FCGR2A: variants seen among roughly 807,000 people sequenced by gnomAD.
FCGR2A encodes low affinity immunoglobulin gamma Fc region receptor II-a.
FCGR2A carries 18 observed loss-of-function variants against 29.3 expected under a neutral mutation model. That is an observed-to-expected ratio of 0.62 (90% CI 0.43 to 0.91). The LOEUF (loss-of-function observed/expected upper bound fraction) is 0.91. FCGR2A is among the 40% of genes least tolerant of loss of function. FCGR2A has a pLI of 0.00. For synonymous variants in FCGR2A, 126 were observed against 144.8 expected (o/e 0.87, Z 0.93); for missense variants, 287 against 393.0 (o/e 0.73, Z 2.28).
chr1:161,520,972 G>T (rs1336357194), downstream of FCGR2A, among the ~76,000 whole-genome samples: 3 of 150,842 alleles, frequency 2.0e-5, no homozygotes, highest in African/African-American at 7.3e-5. Context: ...TTATACTTCT[G>T]CCCAGAGCCT....
In FCGR2A at chr1:161,511,544, C is replaced by T. The variant is rs565891449; in HGVS notation, c.742+588C>T. ...AGATGCCATGGCGTGGCCTTTCTGACACTCCTGGGCGTCCCCATGGGTGAG... is the reference window on the plus strand; with the variant it reads ...AGATGCCATGGCGTGGCCTTTCTGATACTCCTGGGCGTCCCCATGGGTGAG... On this transcript the variant is annotated intron_variant, in intron 5 of 6. Coordinates refer to ENST00000271450, the MANE Select transcript of FCGR2A (RefSeq NM_001136219.3). 2.3e-3 allele frequency among the ~76,000 whole-genome samples: 356 copies of T among 152,326 alleles called. 4 individuals carry two copies. The highest frequency in any genetic ancestry group is 2.7e-3 in the Non-Finnish European group (185 of 68,022).
intron 3 of FCGR2A, among the ~76,000 whole-genome samples, chr1:161,508,873 G>A (rs915324564): frequency 2.0e-5 from 3 of 152,148 alleles, no homozygotes; most frequent in African/African-American, 2.4e-5. Flanking sequence ...CTTTTATTCA[G>A]AGTCACAAAT....
At chr1:161,523,355 C>A (rs940067990), downstream of FCGR2A, 2 of 152,188 alleles carry the variant, frequency 1.3e-5, no homozygotes, top group East Asian at 3.8e-4. Flanking sequence ...GAAATGGCCT[C>A]AATTCACAAA....
In FCGR2A at chr1:161,518,102, T is replaced by A. The variant is rs142780204; in HGVS notation, c.908T>A (p.Ile303Asn). The change falls in exon 7 of 7, where the codon ATC becomes AAC. Residue 303 changes from isoleucine to asparagine, a missense_variant. Physicochemically the swap from Ile to Asn is moderately radical, Grantham distance 149 (BLOSUM62 -3). This residue lies in a region of FCGR2A where 34 missense variants were observed against 73.5 expected (regional missense o/e 0.46). Transcript: ENST00000271450. ...GCACCTACTGACGATGATAAAAACA[T>A]CTACCTGACTCTTCCTCCCAACGAC... ...PRAPTDDDKNIYLTLPPNDHV... is the reference protein window; with the variant it reads ...PRAPTDDDKNNYLTLPPNDHV... The A allele has an allele frequency of 4.3e-6, 7 of 1,613,644 alleles. No homozygotes were observed. The highest frequency in any genetic ancestry group is 5.9e-6 in the Non-Finnish European group (7 of 1,179,834).
chr1:161,509,648 C>T (rs7552317), intron 3 of FCGR2A, among the ~76,000 whole-genome samples, 172 bp from the exon 4 acceptor site: 15,151 of 152,272 alleles, frequency 0.099, 926 homozygotes, highest in Middle Eastern at 0.14. Context: ...AGAAGTCCCA[C>T]AGATATAATA....
At chr1:161,508,600 A>T (rs1156582343) in intron 3 of FCGR2A, among the ~76,000 whole-genome samples, 2 of 151,230 alleles carry the variant, frequency 1.3e-5, no homozygotes, top group Non-Finnish European at 3.0e-5. Context: ...AAAAAAAAAA[A>T]AGAAAAAGAA....
chr1:161,508,226 G>A (rs568508171), intron 3 of FCGR2A, among the ~76,000 whole-genome samples: 88 of 151,700 alleles, frequency 5.8e-4, no homozygotes, highest in Admixed American at 1.3e-3. Context: ...AGCCAAAATC[G>A]CAATCCTGAC....
intron 1 of FCGR2A, 194 bp downstream of exon 1, chr1:161,505,746 G>C: frequency 1.4e-6 from 1 of 709,964 alleles, no homozygotes. Flanking sequence ...ATAGTCCCTG[G>C]AAAGTCCATT....
In FCGR2A at chr1:161,519,704, G is replaced by T. The variant is rs989106028; in HGVS notation, c.*1556G>T. On this transcript the variant is annotated 3_prime_UTR_variant, in exon 7 of 7. Coordinates refer to ENST00000271450, the MANE Select transcript of FCGR2A (RefSeq NM_001136219.3). ...TGAGGGAGAGGAGAGAGGGAGATTT[G>T]GAGTGTAGGGTGAGTGCCCCTCTTC... 6.6e-5 allele frequency: 10 copies of T among 152,130 alleles called. No individual in the cohort carries two copies. The highest frequency in any genetic ancestry group is 1.5e-4 in the Non-Finnish European group (10 of 68,014). 9.4% of individuals were successfully genotyped at this position (152,130 alleles called of 1,614,324 possible).
chr1:161,523,954 A>G (rs1485754261), downstream of FCGR2A: 4 of 153,258 alleles, frequency 2.6e-5, no homozygotes, highest in Admixed American at 1.9e-4. Flanking sequence ...TGTCTCTTAA[A>G]GCTCACTATC....
chr1:161,513,602 C>G (rs1675954683), intron 5 of FCGR2A: 1 of 535,980 alleles, frequency 1.9e-6, no homozygotes, highest in Admixed American at 3.4e-5. Context: ...TATCTCAGAT[C>G]CCCAAGCTGT....
At chr1:161,510,328 G>T (rs996369796) in intron 4 of FCGR2A, 6 of 704,848 alleles carry the variant, frequency 8.5e-6, no homozygotes, top group African/African-American at 1.8e-5. Context: ...ACTAAAGATG[G>T]CAGTGAAGCA....
At chr1:161,520,822 G>C (rs939359464), downstream of FCGR2A, among the ~76,000 whole-genome samples, 2 of 151,998 alleles carry the variant, frequency 1.3e-5, no homozygotes, top group African/African-American at 4.8e-5. Flanking sequence ...TCTTCCCCTT[G>C]TGGTTGGAGT....
Position 161,518,028 on chromosome 1 carries a change from C to T in FCGR2A, c.834C>T (p.Asn278=). The T allele has an allele frequency of 1.2e-6, 2 of 1,613,820 alleles. No individual in the cohort carries two copies. Among genetic ancestry groups the T allele is most frequent in the Admixed American group, 1.7e-5 (1 of 59,988 alleles). ...GAAAGAGACAACTTGAAGAAACCAACAATGACTATGAAACAGCTGACGGCG... is the reference window on the plus strand; with the variant it reads ...GAAAGAGACAACTTGAAGAAACCAATAATGACTATGAAACAGCTGACGGCG... ...AIRKRQLEET[N]NDYETADGGY... is the part of the protein sequence containing the mutation. Residue 278 remains asparagine, a synonymous_variant, in exon 7 of 7, where the codon AAC becomes AAT. Coordinates refer to ENST00000271450, the MANE Select transcript of FCGR2A (RefSeq NM_001136219.3).
chr1:161,510,903 C>T lies in FCGR2A; in HGVS notation c.689C>T (p.Ala230Val), dbSNP rs1328441040. 5.6e-6 allele frequency: 9 copies of T among 1,614,090 alleles called. No homozygotes were observed. Among genetic ancestry groups the T allele is most frequent in the Non-Finnish European group, 7.6e-6 (9 of 1,180,052 alleles). ...GTGGTCATTGCGACTGCTGTAGCAG[C>T]CATTGTTGCTGCTGTAGTGGCCTTG... The part of the protein sequence containing the change: ...VAVVIATAVA[A>V]IVAAVVALIY... The change falls in exon 5 of 7, where the codon GCC (alanine) becomes GTC (valine). Residue 230 changes from alanine (A) to valine (V), a missense_variant. Physicochemically the swap from Ala to Val is moderately conservative, Grantham distance 64. Coordinates refer to ENST00000271450, the MANE Select transcript of FCGR2A (RefSeq NM_001136219.3).
rs1676270403 is a variant in FCGR2A at position 161,518,345 on chromosome 1, G to A, written c.*197G>A. 1.4e-5 allele frequency: 13 copies of A among 926,108 alleles called. No individual in the cohort carries two copies. The highest frequency in any genetic ancestry group is 3.1e-4 in the Middle Eastern group (1 of 3,184). 57.4% of individuals were successfully genotyped at this position (926,108 alleles called of 1,614,324 possible). A position where few individuals can be genotyped will look rare whatever the true frequency, so the allele number is the denominator to read the frequency against. On this transcript the variant is annotated 3_prime_UTR_variant, in exon 7 of 7. Transcript: ENST00000271450. ...CTTCACGGGGTCATACTACATACAA[G>A]CATAAGCAAAACTTAACTTGGATCA...
downstream of FCGR2A, among the ~76,000 whole-genome samples, chr1:161,521,999 A>T (rs7540739): frequency 4.0e-5 from 6 of 149,688 alleles, no homozygotes; most frequent in Admixed American, 2.0e-4. Flanking sequence ...AAAGCTACTC[A>T]AACTAAGCTA....
intron 3 of FCGR2A, 185 bp downstream of exon 3, chr1:161,506,776 A>G (rs1675441262): frequency 1.7e-6 from 2 of 1,171,108 alleles, no homozygotes; most frequent in African/African-American, 1.6e-5. Context: ...GGGAAGGGGG[A>G]ATTTCTAATA....
intron 6 of FCGR2A, among the ~76,000 whole-genome samples, chr1:161,515,735 C>A (rs1676109962): frequency 6.6e-6 from 1 of 152,104 alleles, no homozygotes; most frequent in African/African-American, 2.4e-5. Context: ...GAACAGCTAA[C>A]TTTAACTAGA....
Sources: gnomAD v4.1 joint callset for allele counts (sites outside exome capture counted in the v4.1 genomes callset) on GRCh38, gnomAD v4.1.1 for gene constraint, gnomAD v4.1.1 regional missense constraint, MANE v1.5 for transcripts, NCBI Gene and HGNC (gene_info 2026-07-23, HGNC 2026-07-21) for gene names.